The following MAP3K21 variants were observed in gnomAD, a reference collection of about 807,000 sequenced individuals.
The protein encoded by MAP3K21 is mitogen-activated protein kinase kinase kinase MLK4.
A neutral mutation model predicts 86.1 loss-of-function variants in MAP3K21; 63 were observed. That is an observed-to-expected ratio of 0.73 (90% CI 0.60 to 0.90). MAP3K21 has a LOEUF of 0.90. Among genes scored for constraint, MAP3K21 ranks in the 40% least tolerant of loss-of-function variants. MAP3K21 has a pLI of 0.00. For synonymous variants in MAP3K21, 558 were observed against 564.8 expected, an observed-to-expected ratio of 0.99 and a Z score of 0.17; for missense variants, 1,220 against 1,367.7, an observed-to-expected ratio of 0.89 and a Z score of 1.70.
chr1:233,327,847 A>C lies in MAP3K21; in HGVS notation c.-182A>C. On this transcript the variant is annotated 5_prime_UTR_variant, in exon 1 of 10. Coordinates refer to ENST00000366624, the MANE Select transcript of MAP3K21 (RefSeq NM_032435.3). ...CGGCAGCAGAGGCGGCTGGCCAGGA[A>C]CGCGGGCCGAGGCTGGACCCTTTGG... The C allele has an allele frequency of 4.9e-6, 2 of 409,326 alleles. No individual in the cohort carries two copies. The highest frequency in any genetic ancestry group is 4.0e-6 in the Non-Finnish European group (1 of 248,638). The allele number at this position is 409,326 out of a possible 1,614,324, so 25.4% of individuals were successfully genotyped here.
chr1:233,376,587 A>G (rs1032665156), intron 8 of MAP3K21, 60 bp downstream of exon 8: 2 of 1,236,132 alleles, frequency 1.6e-6, no homozygotes, highest in African/African-American at 3.0e-5. Context: ...GATTGTGCTG[A>G]AGCTTTGCTT....
At chr1:233,353,078 G>A (rs761181091) in intron 2 of MAP3K21, among the ~76,000 whole-genome samples, 1 of 152,058 alleles carries the variant, frequency 6.6e-6, no homozygotes, top group Non-Finnish European at 1.5e-5. Flanking sequence ...GCTTGTTCTT[G>A]TTTGTGGCTG....
At chr1:233,359,211 G>A (rs773994960) in intron 4 of MAP3K21, among the ~76,000 whole-genome samples, 30 of 152,284 alleles carry the variant, frequency 2.0e-4, no homozygotes, top group South Asian at 4.1e-4. Context: ...TAAAATAAAA[G>A]CATGCTTCAA....
At position 233,367,859 on chromosome 1, in the gene MAP3K21, C is replaced by CAAA. The variant is rs5781742; in HGVS notation, c.1553-4165_1553-4163dup. Among the ~76,000 whole-genome samples, 381 of 121,990 alleles carry CAAA rather than the reference C, an allele frequency of 3.1e-3. 5 individuals carry two copies. The highest frequency in any genetic ancestry group is 0.011 in the African/African-American group (354 of 30,908). 80.0% of individuals were successfully genotyped at this position (121,990 alleles called of 152,430 possible). A position where few individuals can be genotyped will look rare whatever the true frequency, so the allele number is the denominator to read the frequency against. On this transcript the variant is annotated intron_variant, in intron 5 of 9. Coordinates refer to ENST00000366624, the MANE Select transcript of MAP3K21 (RefSeq NM_032435.3). ...GGGTGACAGGAGCAAGACTCCGTCT[C>CAAA]AAAAAAAAAAAAAAAAGAATGTTTT... is the stretch of plus-strand genomic sequence containing the variant.
At chr1:233,331,953 C>G (rs1348651294) in intron 1 of MAP3K21, among the ~76,000 whole-genome samples, 1 of 152,214 alleles carries the variant, frequency 6.6e-6, no homozygotes, top group Non-Finnish European at 1.5e-5. Flanking sequence ...GGCCCTGTAA[C>G]TCCCTTCTGG....
Position 233,382,745 on chromosome 1 carries a change from T to A in MAP3K21, c.*34T>A, listed in dbSNP as rs1244393902. Reference sequence around the variant, plus strand: ...CCTTACTGTTGTTTAAGCATTTTTTTAAGGTGAACAAATGAACACAATGTA... The same window carrying A: ...CCTTACTGTTGTTTAAGCATTTTTTAAAGGTGAACAAATGAACACAATGTA... On this transcript the variant is annotated 3_prime_UTR_variant, in exon 10 of 10. Transcript: ENST00000366624. 1.3e-6 allele frequency: 2 copies of A among 1,571,588 alleles called. No homozygotes were observed. The highest frequency in any genetic ancestry group is 1.7e-6 in the Non-Finnish European group (2 of 1,147,694).
Position 233,362,077 on chromosome 1 carries a change from C to T in MAP3K21, c.1336C>T (p.Leu446=). 6.2e-7 allele frequency: 1 copy of T among 1,612,698 alleles called. No homozygotes were observed. Among genetic ancestry groups the T allele is most frequent in the Non-Finnish European group, 8.5e-7 (1 of 1,179,388 alleles). Residue 446 remains leucine, a synonymous_variant, in exon 5 of 10, where the codon CTG becomes TTG. Transcript: ENST00000366624. ...EKELRSREEE[L]TRAALQQKSQ... is the part of the protein sequence containing the mutation. ...GGAGCTGCGATCCCGGGAAGAGGAG[C>T]TGACTCGGGCGGCTCTGCAGCAGAA...
intron 4 of MAP3K21, among the ~76,000 whole-genome samples, chr1:233,355,965 C>T (rs888361413): frequency 1.3e-5 from 2 of 152,170 alleles, no homozygotes; most frequent in Non-Finnish European, 2.9e-5. Flanking sequence ...CCTTTCTCCT[C>T]ACATATTTTG....
Position 233,382,350 on chromosome 1 carries a change from T to C in MAP3K21, c.2750T>C (p.Leu917Pro). 1 of 1,614,138 alleles carries C rather than the reference T, an allele frequency of 6.2e-7. No individual in the cohort carries two copies. The highest frequency in any genetic ancestry group is 8.5e-7 in the Non-Finnish European group (1 of 1,179,988). The change falls in exon 10 of 10, where the codon CTC (leucine) becomes CCC (proline). Residue 917 changes from leucine (L) to proline (P), a missense_variant. Physicochemically the swap from Leu to Pro is moderately conservative, Grantham distance 98 (BLOSUM62 -3). Transcript: ENST00000366624. Reference protein sequence around the residue: ...ISATGASALPLCPSPAPHSHL... With the variant: ...ISATGASALPPCPSPAPHSHL... ...GCCACTGGAGCCTCTGCACTGCCAC[T>C]CTGCCCCTCACCTGCTCCTCACAGT...
At chr1:233,329,028 C>T (rs538826975) in intron 1 of MAP3K21, among the ~76,000 whole-genome samples, 195 bp downstream of exon 1, 9 of 152,232 alleles carry the variant, frequency 5.9e-5, no homozygotes, top group African/African-American at 1.9e-4. Flanking sequence ...ACACGCTTAA[C>T]CTTGACTTGC....
At chr1:233,346,648 G>A (rs1314173799) in intron 2 of MAP3K21, 26 bp downstream of exon 2, 13 of 1,598,852 alleles carry the variant, frequency 8.1e-6, no homozygotes, top group South Asian at 4.5e-5. Context: ...TGCAAACATC[G>A]GCAGAAACTG....
rs1406460825 is a variant in MAP3K21, at chr1:233,382,479, AC to A, written c.2882del (p.Pro961HisfsTer14). ...AGCCGCTCAGATCTGCCTCAGGCTT[AC>A]CCACAGACAGCAGTGTCTCAGCTGG... ...LRSRSDLPQAYPQTAVSQLAQ... is the reference protein window; with the variant it reads ...LRSRSDLPQAXPQTAVSQLAQ... On this transcript the variant is annotated frameshift_variant, in exon 10 of 10. Transcript: ENST00000366624. LOFTEE classifies it low-confidence loss of function (END_TRUNC). The A allele has an allele frequency of 3.7e-6, 6 of 1,614,046 alleles. No individual in the cohort carries two copies. The highest frequency in any genetic ancestry group is 5.1e-6 in the Non-Finnish European group (6 of 1,180,032).
intron 1 of MAP3K21, among the ~76,000 whole-genome samples, chr1:233,342,883 G>A (rs1663063554): frequency 6.6e-6 from 1 of 152,148 alleles, no homozygotes; most frequent in Non-Finnish European, 1.5e-5. Flanking sequence ...TTTAGCCACT[G>A]TGTAACCATG....
At chr1:233,355,355 C>T (rs1304968704) in intron 4 of MAP3K21, among the ~76,000 whole-genome samples, 1 of 152,142 alleles carries the variant, frequency 6.6e-6, no homozygotes, top group African/African-American at 2.4e-5. Context: ...GGCATGCTGG[C>T]ATAGAAATTA....
At chr1:233,360,402 A>T (rs1004722850) in intron 4 of MAP3K21, among the ~76,000 whole-genome samples, 6 of 152,194 alleles carry the variant, frequency 3.9e-5, no homozygotes, top group African/African-American at 1.4e-4. Context: ...AATAAAAACC[A>T]ACTGATAGGC....
chr1:233,346,251 A>T (rs1185659297), intron 1 of MAP3K21, among the ~76,000 whole-genome samples, 191 bp from the exon 2 acceptor site: 1 of 152,242 alleles, frequency 6.6e-6, no homozygotes, highest in East Asian at 1.9e-4. Flanking sequence ...TCTTAAAATA[A>T]CTTGTAACTT....
At position 233,383,312 on chromosome 1, in the gene MAP3K21, G is replaced by C. The variant is rs745639641; in HGVS notation, c.*601G>C. 202 of 152,484 alleles carry C rather than the reference G, an allele frequency of 1.3e-3. 2 individuals are homozygous for C. In the Middle Eastern group the frequency reaches 0.017, roughly 13 times the overall value. 9.4% of individuals were successfully genotyped at this position (152,484 alleles called of 1,614,324 possible). On this transcript the variant is annotated 3_prime_UTR_variant, in exon 10 of 10. Transcript: ENST00000366624. ...CTAACCTTGGCTGTGGGCCGATAAT[G>C]CATATGTCCAGTTCTCACTTAAATT...
intron 1 of MAP3K21, among the ~76,000 whole-genome samples, chr1:233,335,966 C>A (rs953963804): frequency 1.3e-4 from 20 of 152,150 alleles, no homozygotes; most frequent in African/African-American, 2.4e-5. Context: ...CACACTGTCA[C>A]CATCTTAGGG....
chr1:233,340,023 C>T (rs1023434896), intron 1 of MAP3K21, among the ~76,000 whole-genome samples: 2 of 152,048 alleles, frequency 1.3e-5, no homozygotes, highest in Non-Finnish European at 2.9e-5. Flanking sequence ...ATTAATTAGG[C>T]ACAAGTTCTA....
Sources: allele counts gnomAD v4.1 joint callset (sites outside exome capture counted in the v4.1 genomes callset), GRCh38; gene constraint gnomAD v4.1.1; transcripts MANE v1.5; gene names NCBI Gene and HGNC (gene_info 2026-07-23, HGNC 2026-07-21).